The following CADM2 variants were observed in gnomAD, a reference collection of about 807,000 sequenced individuals.
CADM2 encodes the protein cell adhesion molecule 2.
Under a neutral mutation model 49.8 loss-of-function variants are expected in CADM2, and 12 were observed. That is an observed-to-expected ratio of 0.24 (90% CI 0.15 to 0.39). The LOEUF (loss-of-function observed/expected upper bound fraction) is 0.39, where lower values mean the gene tolerates loss of function less well. Among genes scored for constraint, CADM2 ranks in the 10% least tolerant of loss-of-function variants. CADM2 has a pLI of 1.00. For missense variants in CADM2, 378 were observed against 492.3 expected (o/e 0.77, Z 2.20); for synonymous variants, 214 against 175.4 (o/e 1.22, Z -1.74).
intron 8 of CADM2, chr3:85,993,472 T>G (rs1729027691): frequency 6.6e-6 from 1 of 152,214 alleles, no homozygotes; most frequent in South Asian, 2.1e-4. Flanking sequence ...CTGCCAGTGT[T>G]GATATTTTGA....
intron 1 of CADM2, among the ~76,000 whole-genome samples, chr3:85,178,500 GAGAA>G (rs1444482102): frequency 2.6e-5 from 4 of 151,788 alleles, no homozygotes; most frequent in Non-Finnish European, 5.9e-5. Context: ...TGTAAAAAGT[GAGAA>G]AGAAGATAAA....
intron 1 of CADM2, among the ~76,000 whole-genome samples, chr3:85,201,800 A>C (rs1355075205): frequency 1.3e-5 from 2 of 152,070 alleles, no homozygotes; most frequent in Non-Finnish European, 2.9e-5. Flanking sequence ...GCAACTCCTC[A>C]GGCTGGGCAC....
intron 5 of CADM2, among the ~76,000 whole-genome samples, chr3:85,890,367 G>A (rs541030447): frequency 5.3e-5 from 8 of 152,110 alleles, no homozygotes; most frequent in East Asian, 3.9e-4. Flanking sequence ...TAAGATAACC[G>A]TGTGAACAGA....
At chr3:85,306,778 T>C (rs1285797517) in intron 1 of CADM2, among the ~76,000 whole-genome samples, 1 of 151,770 alleles carries the variant, frequency 6.6e-6, no homozygotes, top group Non-Finnish European at 1.5e-5. Flanking sequence ...GATTATTGCT[T>C]TCATGCCTAT....
chr3:85,646,910 C>G (rs2107569492), intron 1 of CADM2, among the ~76,000 whole-genome samples: 1 of 151,850 alleles, frequency 6.6e-6, no homozygotes, highest in African/African-American at 2.4e-5. Flanking sequence ...ATATCCTTGG[C>G]CTGTGGTAAA....
intron 1 of CADM2, among the ~76,000 whole-genome samples, chr3:85,259,018 G>A (rs1445550790): frequency 1.3e-5 from 2 of 152,110 alleles, no homozygotes; most frequent in Non-Finnish European, 2.9e-5. Context: ...ATGAGGACTG[G>A]CGTAAAGAAA....
chr3:86,027,260 G>C (rs1428987757), intron 8 of CADM2, among the ~76,000 whole-genome samples: 1 of 152,030 alleles, frequency 6.6e-6, no homozygotes, highest in Non-Finnish European at 1.5e-5. Flanking sequence ...GGATAACTCA[G>C]TATATATCTC....
chr3:85,347,546 AATAT>A (rs1164746449), intron 1 of CADM2, among the ~76,000 whole-genome samples: 1 of 146,218 alleles, frequency 6.8e-6, no homozygotes, highest in African/African-American at 2.5e-5. Flanking sequence ...CACATATATA[AATAT>A]ATATACACAC....
intron 1 of CADM2, among the ~76,000 whole-genome samples, chr3:85,550,048 A>G (rs1373357778): frequency 1.3e-5 from 2 of 152,188 alleles, no homozygotes; most frequent in Admixed American, 6.5e-5. Flanking sequence ...TCATAATCCC[A>G]ACACTCTTAG....
intron 1 of CADM2, among the ~76,000 whole-genome samples, chr3:85,687,511 T>A (rs964972085): frequency 6.6e-6 from 1 of 152,144 alleles, no homozygotes; most frequent in Admixed American, 6.6e-5. Flanking sequence ...ATGGGAGATT[T>A]GTTAGAAATT....
chr3:85,039,953 C>G (rs2035372863), intron 1 of CADM2, among the ~76,000 whole-genome samples: 1 of 152,172 alleles, frequency 6.6e-6, no homozygotes, highest in African/African-American at 2.4e-5. Flanking sequence ...GGCTTCAAAC[C>G]TTAGGCTGAT....
At chr3:86,058,899 GC>G (rs1738298562) in intron 8 of CADM2, among the ~76,000 whole-genome samples, 1 of 151,894 alleles carries the variant, frequency 6.6e-6, no homozygotes, top group South Asian at 2.1e-4. Flanking sequence ...TTCAAGACCA[GC>G]CTGGTCAACC....
chr3:85,776,387 A>G (rs978512222), intron 2 of CADM2, among the ~76,000 whole-genome samples: 1 of 151,774 alleles, frequency 6.6e-6, no homozygotes, highest in Non-Finnish European at 1.5e-5. Context: ...AGAGAAAGAT[A>G]ATGTTATTTT....
chr3:85,780,895 T>C (rs1332761216), intron 2 of CADM2, among the ~76,000 whole-genome samples: 4 of 152,010 alleles, frequency 2.6e-5, no homozygotes, highest in Non-Finnish European at 5.9e-5. Flanking sequence ...AATGAGACAA[T>C]AACAAACATA....
intron 1 of CADM2, among the ~76,000 whole-genome samples, chr3:85,720,601 A>G (rs1415830357): frequency 6.6e-6 from 1 of 152,172 alleles, no homozygotes; most frequent in African/African-American, 2.4e-5. Flanking sequence ...AAAAATAAAA[A>G]CTAGTGAAAT....
rs1435263394 is a variant in CADM2, at chr3:86,067,510, T to G, written c.*727T>G. 6.6e-6 allele frequency: 1 copy of G among 152,542 alleles called. No individual in the cohort carries two copies. Among genetic ancestry groups the G allele is most frequent in the African/African-American group, 2.4e-5 (1 of 41,442 alleles). The allele number at this position is 152,542 out of a possible 1,614,324, so 9.4% of individuals were successfully genotyped here. ...GTAGCTTCATTTACCAATAAATTATTCCAAATGATTTACTGCTTTTGGAAT... is the reference window on the plus strand; with the variant it reads ...GTAGCTTCATTTACCAATAAATTATGCCAAATGATTTACTGCTTTTGGAAT... On this transcript the variant is annotated 3_prime_UTR_variant, in exon 10 of 10. Transcript: ENST00000383699.
chr3:85,077,045 C>T lies in CADM2; in HGVS notation c.61+117377C>T, dbSNP rs143309035. On this transcript the variant is annotated intron_variant, in intron 1 of 9. Coordinates refer to ENST00000383699, the MANE Select transcript of CADM2 (RefSeq NM_001167675.2). ...TACATTGTATATGTTTGACTGAGAACGCCTTAATCAAAACAACTTGGGAAA... is the reference window on the plus strand; with the variant it reads ...TACATTGTATATGTTTGACTGAGAATGCCTTAATCAAAACAACTTGGGAAA... Among the ~76,000 whole-genome samples the T allele has an allele frequency of 3.5e-4, 54 of 152,264 alleles. 1 individual carries two copies. In the East Asian group the frequency reaches 7.3e-3, roughly 21 times the overall value.
At chr3:85,939,577 A>G (rs1721600231) in intron 7 of CADM2, among the ~76,000 whole-genome samples, 1 of 151,678 alleles carries the variant, frequency 6.6e-6, no homozygotes, top group African/African-American at 2.4e-5. Context: ...GCTGTAAATA[A>G]TGAGTCATCA....
chr3:85,725,826 C>A (rs2107781076), intron 1 of CADM2, among the ~76,000 whole-genome samples: 1 of 152,092 alleles, frequency 6.6e-6, no homozygotes, highest in Non-Finnish European at 1.5e-5. Context: ...TTTTATTTGG[C>A]TTTGTAGAAC....
Sources: allele counts gnomAD v4.1 joint callset (sites outside exome capture counted in the v4.1 genomes callset), GRCh38; gene constraint gnomAD v4.1.1; transcripts MANE v1.5; gene names NCBI Gene and HGNC (gene_info 2026-07-23, HGNC 2026-07-21).